The following RPN2 variants were observed in gnomAD, a reference collection of about 807,000 sequenced individuals.
The protein encoded by RPN2 is ribophorin II.
RPN2 carries 29 observed loss-of-function variants against 71.4 expected under a neutral mutation model. The ratio of observed to expected loss-of-function variants is 0.41; its 90% CI spans 0.30 to 0.55. The LOEUF is 0.55. RPN2 is among the 20% of genes least tolerant of loss of function. The pLI is 0.35. For missense variants in RPN2, 726 were observed against 774.1 expected, an observed-to-expected ratio of 0.94 and a Z score of 0.74; for synonymous variants, 308 against 305.0, an observed-to-expected ratio of 1.01 and a Z score of -0.10.
At chr20:37,230,909 C>G (rs370386367) in intron 13 of RPN2, among the ~76,000 whole-genome samples, 1 of 151,892 alleles carries the variant, frequency 6.6e-6, no homozygotes, top group Non-Finnish European at 1.5e-5. Flanking sequence ...TGTTAGAAAT[C>G]CTTTAATGGC....
chr20:37,181,431 CTTTTT>C (rs748226554), intron 1 of RPN2, among the ~76,000 whole-genome samples: 2 of 129,454 alleles, frequency 1.5e-5, no homozygotes, highest in Non-Finnish European at 1.6e-5. Flanking sequence ...TTTTTCTTTT[CTTTTT>C]TTTTTTTTTT....
intron 1 of RPN2, chr20:37,179,686 G>T: frequency 2.9e-6 from 1 of 342,820 alleles, no homozygotes. Flanking sequence ...GCGGGCTTCT[G>T]GGCCAGGCGG....
intron 11 of RPN2, among the ~76,000 whole-genome samples, chr20:37,226,258 A>G (rs564751836): frequency 6.6e-6 from 1 of 152,278 alleles, no homozygotes; most frequent in Non-Finnish European, 1.5e-5. Flanking sequence ...TTTTTAGCAG[A>G]GACAGGGTTT....
intron 4 of RPN2, among the ~76,000 whole-genome samples, chr20:37,199,904 C>T (rs2067342703): frequency 6.6e-6 from 1 of 152,122 alleles, no homozygotes. Context: ...TATGATCAAA[C>T]TCACTGCAGC....
intron 8 of RPN2, among the ~76,000 whole-genome samples, chr20:37,210,440 T>C (rs1209359074): frequency 3.3e-5 from 5 of 152,162 alleles, no homozygotes; most frequent in Non-Finnish European, 5.9e-5. Flanking sequence ...TAAATAATAA[T>C]GTTTATTATA....
rs186035229 is a variant in RPN2, at chr20:37,180,819, T to G, written c.13+1450T>G. 2.2e-3 allele frequency among the ~76,000 whole-genome samples: 335 copies of G among 152,324 alleles called. 1 individual carries two copies. The highest frequency in any genetic ancestry group is 7.8e-3 in the African/African-American group (325 of 41,574). ...TGGATTATGGCGGTAGTCTCCCAACTGGTGTCCCCTGCTCTGTCCTTGCAC... is the reference window on the plus strand; with the variant it reads ...TGGATTATGGCGGTAGTCTCCCAACGGGTGTCCCCTGCTCTGTCCTTGCAC... On this transcript the variant is annotated intron_variant, in intron 1 of 16. Coordinates refer to ENST00000237530, the MANE Select transcript of RPN2 (RefSeq NM_002951.5).
chr20:37,199,609 G>A (rs1424235634), intron 4 of RPN2, among the ~76,000 whole-genome samples: 5 of 152,160 alleles, frequency 3.3e-5, no homozygotes, highest in African/African-American at 7.2e-5. Flanking sequence ...GTTGGCAGTG[G>A]AGGCTCTGCA....
chr20:37,204,444 G>A (rs2067465242), intron 5 of RPN2, among the ~76,000 whole-genome samples: 1 of 152,234 alleles, frequency 6.6e-6, no homozygotes, highest in Non-Finnish European at 1.5e-5. Flanking sequence ...CTTCCTGGGT[G>A]CACAGCAGCC....
At chr20:37,238,940 G>A (rs192029884) in intron 16 of RPN2, among the ~76,000 whole-genome samples, 140 of 152,242 alleles carry the variant, frequency 9.2e-4, no homozygotes, top group African/African-American at 3.2e-3. Flanking sequence ...AGGACTGATG[G>A]CCACAGATCA....
At chr20:37,198,827 A>G (rs536426088) in intron 3 of RPN2, among the ~76,000 whole-genome samples, 1 of 152,286 alleles carries the variant, frequency 6.6e-6, no homozygotes, top group South Asian at 2.1e-4. Context: ...TGAACATAGG[A>G]GAACCATATA....
In RPN2 at chr20:37,215,801, T is replaced by G. The variant is rs139244870; in HGVS notation, c.1092+1936T>G. Among the ~76,000 whole-genome samples, 1,026 of 152,352 alleles carry G rather than the reference T, an allele frequency of 6.7e-3. 7 individuals carry two copies. The highest frequency in any genetic ancestry group is 0.01 in the Non-Finnish European group (696 of 68,026). On this transcript the variant is annotated intron_variant, in intron 9 of 16. Transcript: ENST00000237530. ...GATGCATATGAAAAGGTATCTTGTT[T>G]TAATGTCTTTCCTTGGTTACTGGTA...
intron 16 of RPN2, among the ~76,000 whole-genome samples, chr20:37,239,023 G>A (rs1323756124): frequency 6.6e-6 from 1 of 152,188 alleles, no homozygotes; most frequent in Non-Finnish European, 1.5e-5. Context: ...TGACTAAAAT[G>A]TGAAGTGAGA....
At chr20:37,186,289 A>G (rs1044375357) in intron 2 of RPN2, among the ~76,000 whole-genome samples, 2 of 152,220 alleles carry the variant, frequency 1.3e-5, no homozygotes, top group Non-Finnish European at 2.9e-5. Context: ...TAAATGAATA[A>G]TCAGTGGATG....
At chr20:37,193,032 G>A (rs1256238414) in intron 2 of RPN2, among the ~76,000 whole-genome samples, 1 of 152,170 alleles carries the variant, frequency 6.6e-6, no homozygotes, top group African/African-American at 2.4e-5. Flanking sequence ...GGAGGCTGAG[G>A]ATGGAGGATC....
rs114305363 is a variant in RPN2, at chr20:37,188,151, T to C, written c.207+3778T>C. Among the ~76,000 whole-genome samples the C allele has an allele frequency of 2.9e-3, 437 of 152,300 alleles. 1 individual carries two copies. Among genetic ancestry groups the C allele is most frequent in the African/African-American group, 0.01 (426 of 41,564 alleles). On this transcript the variant is annotated intron_variant, in intron 2 of 16. Coordinates refer to ENST00000237530, the MANE Select transcript of RPN2 (RefSeq NM_002951.5). ...ATTTAAACTCTCATCATTTCTGCTA[T>C]CATTGTCATACTTTTTGTTTGTTTG...
chr20:37,221,086 G>GATTA (rs1183818782), intron 9 of RPN2, among the ~76,000 whole-genome samples: 1 of 152,164 alleles, frequency 6.6e-6, no homozygotes, highest in East Asian at 1.9e-4. Flanking sequence ...AGCTGGCCTT[G>GATTA]GTGGCCAGTT....
At chr20:37,235,232 C>G (rs541041908) in intron 15 of RPN2, among the ~76,000 whole-genome samples, 1 of 152,278 alleles carries the variant, frequency 6.6e-6, no homozygotes, top group South Asian at 2.1e-4. Context: ...ACAGGATGAC[C>G]TTTCTCTCTG....
chr20:37,199,556 C>G (rs188315672), intron 4 of RPN2, among the ~76,000 whole-genome samples: 38 of 152,244 alleles, frequency 2.5e-4, no homozygotes, highest in African/African-American at 8.4e-4. Context: ...GAGAAGGAGC[C>G]ACGTGCATGT....
At chr20:37,210,690 C>T (rs2067640695) in intron 8 of RPN2, among the ~76,000 whole-genome samples, 2 of 152,070 alleles carry the variant, frequency 1.3e-5, no homozygotes, top group Middle Eastern at 3.4e-3. Context: ...GCCACCACGT[C>T]CGGCTAATTT....
Sources: gnomAD v4.1 joint callset for allele counts (sites outside exome capture counted in the v4.1 genomes callset) on GRCh38, gnomAD v4.1.1 for gene constraint, MANE v1.5 for transcripts, NCBI Gene and HGNC (gene_info 2026-07-23, HGNC 2026-07-21) for gene names.